The following ISM1 variants were observed in gnomAD, a reference collection of about 807,000 sequenced individuals.
ISM1 encodes isthmin 1, also known as isthmin-1.
ISM1 carries 25 observed loss-of-function variants against 46.3 expected under a neutral mutation model. The observed-to-expected ratio is 0.54, with a 90% CI of 0.39 to 0.75. The LOEUF is 0.75. Among genes scored for constraint, ISM1 ranks in the 30% least tolerant of loss-of-function variants. The probability of loss-of-function intolerance (pLI) is 0.00; values close to 1 mark genes in which losing one functional copy is unlikely to be tolerated. For missense variants in ISM1, 536 were observed against 625.4 expected, an observed-to-expected ratio of 0.86 and a Z score of 1.52; for synonymous variants, 255 against 256.7, an observed-to-expected ratio of 0.99 and a Z score of 0.06.
chr20:13,269,934 A>AGGATGGATGGATGGATGGATGGAT (rs60897306), intron 1 of ISM1, among the ~76,000 whole-genome samples: 12 of 149,910 alleles, frequency 8.0e-5, no homozygotes, highest in South Asian at 6.5e-4. Context: ...TGTGGGTGGA[A>AGGATGGATGGATGGATGGATGGAT]GGATGGATGG....
chr20:13,264,177 T>C (rs1277525251), intron 1 of ISM1, among the ~76,000 whole-genome samples: 1 of 152,192 alleles, frequency 6.6e-6, no homozygotes, highest in African/African-American at 2.4e-5. Context: ...ACAGGGCCTG[T>C]TCTTTGCCTT....
intron 3 of ISM1, among the ~76,000 whole-genome samples, chr20:13,280,365 C>T (rs1033059273): frequency 1.1e-5 from 1 of 90,622 alleles, no homozygotes; most frequent in African/African-American, 4.7e-5. Flanking sequence ...CCCACATGAA[C>T]GTGTGTGTCT....
chr20:13,296,834 G>A (rs776943791), intron 5 of ISM1, among the ~76,000 whole-genome samples: 25 of 152,170 alleles, frequency 1.6e-4, no homozygotes, highest in Non-Finnish European at 2.2e-4. Context: ...CCTGGCCAAT[G>A]TGGTGAAACC....
Position 13,299,074 on chromosome 20 carries a change from T to G in ISM1, c.1010T>G (p.Ile337Ser). 6.2e-7 allele frequency: 1 copy of G among 1,613,764 alleles called. No homozygotes were observed. Among genetic ancestry groups the G allele is most frequent in the Non-Finnish European group, 8.5e-7 (1 of 1,179,838 alleles). The change falls in exon 6 of 6, where the codon ATC becomes AGC. Residue 337 changes from isoleucine (I) to serine (S), a missense_variant. Physicochemically the swap from Ile to Ser is moderately radical, Grantham distance 142. Around this residue, in one of 2 missense-constraint regions of ISM1, gnomAD observed 169 missense variants for 249.3 expected, o/e 0.68. Coordinates refer to ENST00000262487, the MANE Select transcript of ISM1 (RefSeq NM_080826.2). The surrounding 1 kb of genome is among the most constrained non-coding windows in gnomAD (Gnocchi z 5.8). The stretch of plus-strand genomic sequence containing the variant: ...GAGGTGGCCTACAGCACGGCCGACA[T>G]CTTCGACCGCATCAAGCGCAAGGAC... ...PTEVAYSTAD[I>S]FDRIKRKDFR... is the part of the protein sequence containing the mutation.
Position 13,221,661 on chromosome 20 carries a change from G to A in ISM1, c.-116G>A, listed in dbSNP as rs994620827. The A allele has an allele frequency of 8.9e-6, 8 of 897,098 alleles. No homozygotes were observed. The South Asian group carries it at 2.0e-4, about 22-fold the overall frequency. The allele number at this position is 897,098 out of a possible 1,614,324, so 55.6% of individuals were successfully genotyped here. ...GGCCCGGGAAGCGGAGCCCTGGCGG[G>A]AGCCGAGGCGGGAGCCGCGCTGCCG... On this transcript the variant is annotated 5_prime_UTR_variant, in exon 1 of 6. Transcript: ENST00000262487.
chr20:13,279,882 A>G lies in ISM1; in HGVS notation c.627A>G (p.Lys209=), dbSNP rs1246810742. 1 of 1,613,814 alleles carries G rather than the reference A, an allele frequency of 6.2e-7. No individual in the cohort carries two copies. The highest frequency in any genetic ancestry group is 1.3e-5 in the African/African-American group (1 of 74,938). The change falls in exon 3 of 6, where the codon AAA becomes AAG. Residue 209 remains lysine (K), a synonymous_variant. Transcript: ENST00000262487. Reference sequence around the variant, plus strand: ...CAGGCCACCGGACTTTTGAAACCAAAGATCAGCCAGAATATGGTGAGTTTA... The same window carrying G: ...CAGGCCACCGGACTTTTGAAACCAAGGATCAGCCAGAATATGGTGAGTTTA... The part of the protein sequence containing the change: ...TAPGHRTFET[K]DQPEYDSTDG...
downstream of ISM1, among the ~76,000 whole-genome samples, chr20:13,304,826 C>T (rs2040487343): frequency 6.6e-6 from 1 of 152,100 alleles, no homozygotes; most frequent in South Asian, 2.1e-4. Context: ...ATAGCAGTCA[C>T]CTACTTGAAA....
At chr20:13,237,903 C>G (rs1257539221) in intron 1 of ISM1, 1 of 152,134 alleles carries the variant, frequency 6.6e-6, no homozygotes, top group Non-Finnish European at 1.5e-5. Context: ...GGGGGTGCTC[C>G]TCTGCCTCAG....
intron 3 of ISM1, among the ~76,000 whole-genome samples, chr20:13,282,722 T>C (rs943367266): frequency 1.1e-4 from 16 of 152,352 alleles, no homozygotes; most frequent in African/African-American, 3.1e-4. Context: ...AGTCGTGTTC[T>C]GTGCAGTACC....
chr20:13,256,508 T>C (rs1198579880), intron 1 of ISM1, among the ~76,000 whole-genome samples: 1 of 151,722 alleles, frequency 6.6e-6, no homozygotes, highest in African/African-American at 2.4e-5. Flanking sequence ...CCAGCATGAC[T>C]ATTCTCAGGA....
Position 13,288,636 on chromosome 20 carries a change from C to G in ISM1, c.740C>G (p.Ala247Gly). The G allele has an allele frequency of 6.2e-7, 1 of 1,613,996 alleles. No individual in the cohort carries two copies. The highest frequency in any genetic ancestry group is 8.5e-7 in the Non-Finnish European group (1 of 1,179,878). The change falls in exon 4 of 6, where the codon GCG becomes GGG. Residue 247 changes from alanine to glycine, a missense_variant. By Grantham distance (60) the Ala-to-Gly change is moderately conservative. Coordinates refer to ENST00000262487, the MANE Select transcript of ISM1 (RefSeq NM_080826.2). ...AAACGGACCCGGTCTTGTGGCTACG[C>G]GTGCACTGCAACAGAATCGAGGACC... ...NQKRTRSCGY[A>G]CTATESRTCD...
At chr20:13,316,577 TAATTATG>T in the ISM1 span, among the ~76,000 whole-genome samples, 2 of 151,528 alleles carry the variant, frequency 1.3e-5, no homozygotes, top group Admixed American at 6.6e-5. Flanking sequence ...TGGACAAAAA[TAATTATG>T]CCCCATGACC....
intron 1 of ISM1, among the ~76,000 whole-genome samples, chr20:13,259,955 A>G (rs140436100): frequency 6.6e-6 from 1 of 152,360 alleles, no homozygotes; most frequent in East Asian, 1.9e-4. Flanking sequence ...CCTGATACAT[A>G]ATAAATATCG....
intron 2 of ISM1, among the ~76,000 whole-genome samples, chr20:13,276,520 A>G (rs2040181739): frequency 6.6e-6 from 1 of 152,240 alleles, no homozygotes; most frequent in Non-Finnish European, 1.5e-5. Flanking sequence ...TGTGCCAGAA[A>G]TTGAACTTGA....
rs1444062199 is a variant in ISM1, at chr20:13,270,566, A to G, written c.201A>G (p.Ala67=). The change falls in exon 2 of 6, where the codon GCA becomes GCG. Residue 67 remains alanine, a synonymous_variant. Transcript: ENST00000262487. The part of the protein sequence containing the change: ...SETSFSLSKE[A]PREHLDHQAA... The stretch of plus-strand genomic sequence containing the variant: ...CCAGCTTTTCTCTCTCCAAAGAAGC[A>G]CCAAGGGAGCATCTGGACCACCAGG... 13 of 1,613,842 alleles carry G rather than the reference A, an allele frequency of 8.1e-6. No individual in the cohort carries two copies. Among genetic ancestry groups the G allele is most frequent in the Non-Finnish European group, 1.1e-5 (13 of 1,179,844 alleles).
Position 13,288,598 on chromosome 20 carries a change from G to T in ISM1, c.702G>T (p.Gly234=), listed in dbSNP as rs1371758803. ...SLWSVCSVTC[G]NGNQKRTRSC... Reference sequence around the variant, plus strand: ...GGTCTGTCTGCAGCGTCACCTGCGGGAACGGCAACCAGAAACGGACCCGGT... The same window carrying T: ...GGTCTGTCTGCAGCGTCACCTGCGGTAACGGCAACCAGAAACGGACCCGGT... Residue 234 remains glycine (G), a synonymous_variant, in exon 4 of 6, where the codon GGG becomes GGT. Coordinates refer to ENST00000262487, the MANE Select transcript of ISM1 (RefSeq NM_080826.2). The T allele has an allele frequency of 6.2e-7, 1 of 1,613,870 alleles. No individual in the cohort carries two copies. The highest frequency in any genetic ancestry group is 8.5e-7 in the Non-Finnish European group (1 of 1,179,892).
At chr20:13,302,317 G>A (rs2040464906), downstream of ISM1, among the ~76,000 whole-genome samples, 1 of 152,150 alleles carries the variant, frequency 6.6e-6, no homozygotes. Flanking sequence ...GAACACCCTG[G>A]TCTCCCATGC....
At chr20:13,281,975 C>T (rs2040243118) in intron 3 of ISM1, among the ~76,000 whole-genome samples, 1 of 152,152 alleles carries the variant, frequency 6.6e-6, no homozygotes, top group African/African-American at 2.4e-5. Context: ...ACTAGCATCA[C>T]GTGGAAATGC....
chr20:13,298,311 T>C (rs1189558618), intron 5 of ISM1, among the ~76,000 whole-genome samples: 1 of 152,158 alleles, frequency 6.6e-6, no homozygotes, highest in East Asian at 1.9e-4. Context: ...TTCACCTTGT[T>C]GGCCAGGCTG....
Sources: allele counts gnomAD v4.1 joint callset (sites outside exome capture counted in the v4.1 genomes callset), GRCh38; gene constraint gnomAD v4.1.1; regional missense constraint gnomAD v4.1.1; non-coding constraint Gnocchi (gnomAD v3.1); transcripts MANE v1.5; gene names NCBI Gene and HGNC (gene_info 2026-07-23, HGNC 2026-07-21).